Variants in CDH13 observed in about 807,000 individuals in gnomAD.
CDH13 encodes the protein cadherin 13.
A neutral mutation model predicts 63.8 loss-of-function variants in CDH13; 24 were observed. That is an observed-to-expected ratio of 0.38 (90% CI 0.27 to 0.53). CDH13 has a LOEUF of 0.53. Ranked by LOEUF, CDH13 falls within the 20% of genes least tolerant of loss-of-function variation. CDH13 has a pLI of 0.85. For missense variants in CDH13, 1,049 were observed against 903.1 expected (o/e 1.16, Z -2.07); for synonymous variants, 503 against 355.3 (o/e 1.42, Z -4.67).
chr16:82,669,058 C>G (rs796443233), intron 1 of CDH13, among the ~76,000 whole-genome samples: 3 of 152,180 alleles, frequency 2.0e-5, no homozygotes, highest in East Asian at 1.9e-4. Context: ...GCGGGATCCA[C>G]AAGCCACGGA....
At chr16:83,380,055 C>T (rs1243561872) in intron 6 of CDH13, among the ~76,000 whole-genome samples, 2 of 149,824 alleles carry the variant, frequency 1.3e-5, no homozygotes, top group East Asian at 3.9e-4. Flanking sequence ...TAAAATATAC[C>T]ATATTATTCT....
chr16:83,217,595 A>C, intron 5 of CDH13, 98 bp downstream of exon 5: 1 of 1,272,610 alleles, frequency 7.9e-7, no homozygotes. Context: ...GCCTCATCAA[A>C]CCCGGGACTG....
intron 4 of CDH13, among the ~76,000 whole-genome samples, chr16:83,162,120 A>G (rs915921624): frequency 6.6e-6 from 1 of 152,208 alleles, no homozygotes; most frequent in African/African-American, 2.4e-5. Flanking sequence ...TGGCATTTAC[A>G]TGCCTGGTGC....
At chr16:83,150,850 C>T (rs527612468) in intron 4 of CDH13, among the ~76,000 whole-genome samples, 1 of 152,312 alleles carries the variant, frequency 6.6e-6, no homozygotes, top group Admixed American at 6.5e-5. Context: ...ATGACTGGCC[C>T]TTCCCCTTAA....
At position 83,293,521 on chromosome 16, in the gene CDH13, G is replaced by A. The variant is rs77384324; in HGVS notation, c.637-51341G>A. 4.5e-3 allele frequency among the ~76,000 whole-genome samples: 684 copies of A among 152,180 alleles called. 26 individuals are homozygous for A. In the East Asian group the frequency reaches 0.1, roughly 23 times the overall value. On this transcript the variant is annotated intron_variant, in intron 5 of 13. Transcript: ENST00000567109. ...ATCCATGTCAGCAGTCTAGAATGTCGTCATCTTTATAGACTCAGAAGCTTG... is the reference window on the plus strand; with the variant it reads ...ATCCATGTCAGCAGTCTAGAATGTCATCATCTTTATAGACTCAGAAGCTTG...
At chr16:82,889,968 C>T (rs1039120401) in intron 2 of CDH13, among the ~76,000 whole-genome samples, 14 of 152,204 alleles carry the variant, frequency 9.2e-5, no homozygotes, top group Non-Finnish European at 1.5e-4. Context: ...AACACAAATG[C>T]TTTTTGGGGT....
At chr16:83,042,412 T>C (rs1489841723) in intron 3 of CDH13, among the ~76,000 whole-genome samples, 1 of 152,214 alleles carries the variant, frequency 6.6e-6, no homozygotes, top group African/African-American at 2.4e-5. Context: ...GAGAATCTAA[T>C]GCCTGATGAT....
chr16:83,387,701 G>C (rs570630098), intron 6 of CDH13, among the ~76,000 whole-genome samples: 11 of 152,338 alleles, frequency 7.2e-5, no homozygotes, highest in Middle Eastern at 6.8e-3. Context: ...GGTTGAGAAT[G>C]TCTGCCTTAT....
chr16:83,545,151 C>T (rs1360261021), intron 7 of CDH13, among the ~76,000 whole-genome samples: 1 of 152,308 alleles, frequency 6.6e-6, no homozygotes, highest in East Asian at 1.9e-4. Flanking sequence ...CCTTCAGCTC[C>T]TTAGCCCTTC....
At chr16:83,326,962 C>A (rs76158834) in intron 5 of CDH13, among the ~76,000 whole-genome samples, 11,964 of 152,174 alleles carry the variant, frequency 0.079, 649 homozygotes, top group Non-Finnish European at 0.12. Flanking sequence ...GCATCTCATC[C>A]GGCCACAGTC....
intron 1 of CDH13, among the ~76,000 whole-genome samples, chr16:82,651,946 T>C (rs941077348): frequency 3.9e-5 from 6 of 152,172 alleles, no homozygotes; most frequent in African/African-American, 1.4e-4. Flanking sequence ...GACTGAGAAT[T>C]CAGGAAGGGC....
chr16:83,458,322 C>T (rs1424722360), intron 6 of CDH13, among the ~76,000 whole-genome samples: 1 of 152,174 alleles, frequency 6.6e-6, no homozygotes, highest in African/African-American at 2.4e-5. Context: ...ATTCTTGTAG[C>T]AAAATCTCAA....
In CDH13 at chr16:82,636,561, T is replaced by C. The variant is rs142090241; in HGVS notation, c.45+9424T>C. On this transcript the variant is annotated intron_variant, in intron 1 of 13. Coordinates refer to ENST00000567109, the MANE Select transcript of CDH13 (RefSeq NM_001257.5). Reference sequence around the variant, plus strand: ...AGCAGCACTGGAAATATGTCTTACATGAAGCAAATAATGATCTTCTACCCT... The same window carrying C: ...AGCAGCACTGGAAATATGTCTTACACGAAGCAAATAATGATCTTCTACCCT... Among the ~76,000 whole-genome samples, 385 of 152,336 alleles carry C rather than the reference T, an allele frequency of 2.5e-3. 2 individuals carry two copies. Among genetic ancestry groups the C allele is most frequent in the African/African-American group, 8.5e-3 (355 of 41,570 alleles).
At chr16:83,730,983 A>G (rs1304195631) in intron 10 of CDH13, among the ~76,000 whole-genome samples, 1 of 152,242 alleles carries the variant, frequency 6.6e-6, no homozygotes, top group Non-Finnish European at 1.5e-5. Context: ...GTTGCTGCAA[A>G]GAACACAATT....
chr16:83,162,550 G>GA (rs950276485), intron 4 of CDH13, among the ~76,000 whole-genome samples: 1 of 150,764 alleles, frequency 6.6e-6, no homozygotes, highest in African/African-American at 2.4e-5. Context: ...GTTGAACAAA[G>GA]CAAGGTGTTG....
intron 13 of CDH13, among the ~76,000 whole-genome samples, chr16:83,786,666 C>A (rs1915905087): frequency 1.3e-5 from 2 of 152,126 alleles, no homozygotes. Context: ...CAGCTTACTG[C>A]AACCTCCGTC....
intron 2 of CDH13, among the ~76,000 whole-genome samples, chr16:83,019,495 CTTTT>C (rs769273795): frequency 2.3e-5 from 3 of 132,290 alleles, no homozygotes; most frequent in Non-Finnish European, 3.2e-5. Flanking sequence ...TTAACATTTT[CTTTT>C]TTTTTTTTTT....
chr16:83,794,753 G>A (rs938222217), intron 13 of CDH13, among the ~76,000 whole-genome samples: 5 of 151,992 alleles, frequency 3.3e-5, no homozygotes, highest in African/African-American at 9.7e-5. Flanking sequence ...AAGGCTCATT[G>A]GTAACGGTGG....
intron 6 of CDH13, among the ~76,000 whole-genome samples, chr16:83,420,839 T>G: frequency 6.6e-6 from 1 of 152,076 alleles, no homozygotes; most frequent in East Asian, 1.9e-4. Context: ...CTGGTGAAAG[T>G]CCCAGAGTCC....
Sources: gnomAD v4.1 joint callset for allele counts (sites outside exome capture counted in the v4.1 genomes callset) on GRCh38, gnomAD v4.1.1 for gene constraint, MANE v1.5 for transcripts, NCBI Gene and HGNC (gene_info 2026-07-23, HGNC 2026-07-21) for gene names.